The following KLHL32 variants were observed in gnomAD, a reference collection of about 807,000 sequenced individuals.
The protein encoded by KLHL32 is kelch-like protein 32.
A neutral mutation model predicts 64.8 loss-of-function variants in KLHL32; 35 were observed. The ratio of observed to expected loss-of-function variants is 0.54; its 90% CI spans 0.41 to 0.72. KLHL32 has a LOEUF of 0.72. Among genes scored for constraint, KLHL32 ranks in the 30% least tolerant of loss-of-function variants. The pLI is 0.00. For missense variants in KLHL32, 589 were observed against 768.5 expected, an observed-to-expected ratio of 0.77 and a Z score of 2.76; for synonymous variants, 259 against 281.0, an observed-to-expected ratio of 0.92 and a Z score of 0.78.
intron 5 of KLHL32, among the ~76,000 whole-genome samples, chr6:97,073,634 T>C (rs543142118): frequency 6.6e-6 from 1 of 152,300 alleles, no homozygotes; most frequent in East Asian, 1.9e-4. Context: ...TCCTTCTGCA[T>C]GTACCATAAG....
At chr6:97,121,688 C>T (rs549304175) in intron 7 of KLHL32, among the ~76,000 whole-genome samples, 5 of 151,880 alleles carry the variant, frequency 3.3e-5, no homozygotes, top group South Asian at 4.2e-4. Flanking sequence ...ACTCTTCTCA[C>T]GGAGAGAACC....
chr6:97,078,431 G>T (rs1421138637), intron 5 of KLHL32, among the ~76,000 whole-genome samples: 1 of 152,126 alleles, frequency 6.6e-6, no homozygotes, highest in Admixed American at 6.5e-5. Flanking sequence ...GGAAATGAAA[G>T]ATTATAATTA....
intron 5 of KLHL32, among the ~76,000 whole-genome samples, chr6:97,065,984 GAT>G (rs541858510): frequency 7.5e-4 from 93 of 123,384 alleles, no homozygotes; most frequent in Non-Finnish European, 1.4e-3. Context: ...AATGGTTAAT[GAT>G]TTTTTTTTAC....
intron 3 of KLHL32, among the ~76,000 whole-genome samples, chr6:97,024,534 C>CT (rs1448838686): frequency 6.6e-6 from 1 of 151,812 alleles, no homozygotes; most frequent in Non-Finnish European, 1.5e-5. Context: ...AATGTTACCT[C>CT]TTTTTTAAAT....
chr6:97,101,423 A>G (rs1583029121), intron 6 of KLHL32, among the ~76,000 whole-genome samples: 2 of 152,186 alleles, frequency 1.3e-5, no homozygotes, highest in Non-Finnish European at 2.9e-5. Context: ...ATATTAATGG[A>G]AGTGAATGGC....
At chr6:97,135,801 T>C (rs1799942419) in intron 10 of KLHL32, among the ~76,000 whole-genome samples, 1 of 152,190 alleles carries the variant, frequency 6.6e-6, no homozygotes, top group Non-Finnish European at 1.5e-5. Flanking sequence ...TGGATGACGA[T>C]AGAACAATTG....
At chr6:96,982,502 C>T (rs1295623478) in intron 3 of KLHL32, among the ~76,000 whole-genome samples, 1 of 152,180 alleles carries the variant, frequency 6.6e-6, no homozygotes, top group African/African-American at 2.4e-5. Context: ...CTTTATCAAA[C>T]TTGCCACTCT....
chr6:97,035,854 A>G (rs538225938), intron 3 of KLHL32, among the ~76,000 whole-genome samples: 2 of 152,258 alleles, frequency 1.3e-5, no homozygotes, highest in South Asian at 4.1e-4. Context: ...GGGTTAATCA[A>G]TCTGGATGTC....
chr6:97,003,463 T>C (rs928647375), intron 3 of KLHL32, among the ~76,000 whole-genome samples: 5 of 152,206 alleles, frequency 3.3e-5, no homozygotes, highest in African/African-American at 1.2e-4. Flanking sequence ...ACTCTGTTGA[T>C]AGTTTCTTTT....
At chr6:96,971,774 A>C (rs1286043351) in intron 2 of KLHL32, among the ~76,000 whole-genome samples, 1 of 152,214 alleles carries the variant, frequency 6.6e-6, no homozygotes, top group African/African-American at 2.4e-5. Flanking sequence ...GAACTCATAG[A>C]GTATCCAATA....
intron 1 of KLHL32, among the ~76,000 whole-genome samples, chr6:96,956,204 C>T (rs535915343): frequency 6.6e-6 from 1 of 152,296 alleles, no homozygotes; most frequent in East Asian, 1.9e-4. Flanking sequence ...AGTTACCTCT[C>T]ACTGGGTCCT....
chr6:97,074,100 A>G (rs1338511777), intron 5 of KLHL32, among the ~76,000 whole-genome samples: 2 of 152,190 alleles, frequency 1.3e-5, no homozygotes, highest in Non-Finnish European at 2.9e-5. Flanking sequence ...CTGCAACAGT[A>G]TATTTATGCA....
chr6:96,922,596 C>A (rs1768784035), upstream of KLHL32, among the ~76,000 whole-genome samples: 1 of 152,160 alleles, frequency 6.6e-6, no homozygotes. Context: ...AAAAGACCTA[C>A]ATGGATTATA....
chr6:97,012,556 T>C (rs1293664072), intron 3 of KLHL32, among the ~76,000 whole-genome samples: 2 of 152,208 alleles, frequency 1.3e-5, no homozygotes, highest in Non-Finnish European at 2.9e-5. Flanking sequence ...ATTTGTGTTG[T>C]TTTAAACCAC....
rs1582708136 is a variant in KLHL32 at position 97,014,177 on chromosome 6, G to C, written c.205-27315G>C. Among the ~76,000 whole-genome samples the C allele has an allele frequency of 5.3e-5, 8 of 151,834 alleles. No individual in the cohort carries two copies. In the South Asian group the frequency reaches 1.7e-3, roughly 31 times the overall value. ...GGCGTTGTGGTGGGCGCCTGTAGTC[G>C]CAGCTACTCGGAGAGGCTGAGGCAG... On this transcript the variant is annotated intron_variant, in intron 3 of 10. Transcript: ENST00000369261.
At chr6:97,116,017 C>T (rs1322365402) in intron 7 of KLHL32, among the ~76,000 whole-genome samples, 1 of 152,020 alleles carries the variant, frequency 6.6e-6, no homozygotes, top group Non-Finnish European at 1.5e-5. Context: ...CCTCAATAAC[C>T]AGGAAGATAG....
At chr6:96,902,165 T>C in the KLHL32 span, among the ~76,000 whole-genome samples, 1 of 152,252 alleles carries the variant, frequency 6.6e-6, no homozygotes, top group Non-Finnish European at 1.5e-5. Context: ...ATTGCCACAC[T>C]ATCTTCCACA....
chr6:97,009,485 G>T (rs367975087), intron 3 of KLHL32, among the ~76,000 whole-genome samples: 1 of 152,074 alleles, frequency 6.6e-6, no homozygotes, highest in Non-Finnish European at 1.5e-5. Context: ...GTTTTAATTT[G>T]CAATAGAGCA....
At chr6:96,935,941 T>C (rs1770543840) in intron 1 of KLHL32, among the ~76,000 whole-genome samples, 1 of 152,190 alleles carries the variant, frequency 6.6e-6, no homozygotes, top group Admixed American at 6.5e-5. Flanking sequence ...GGTCCTTCTA[T>C]GTGGTGCTTC....
Sources: gnomAD v4.1 joint callset for allele counts (sites outside exome capture counted in the v4.1 genomes callset) on GRCh38, gnomAD v4.1.1 for gene constraint, MANE v1.5 for transcripts, NCBI Gene and HGNC (gene_info 2026-07-23, HGNC 2026-07-21) for gene names.